Variants in UGT1A8 observed in about 807,000 individuals in gnomAD.
UGT1A8 encodes the protein UDP glucuronosyltransferase family 1 member A8, also known as UDP-glucuronosyltransferase 1A8.
In UGT1A8, 39 loss-of-function variants were observed where a neutral mutation model predicts 45.3. The ratio of observed to expected loss-of-function variants is 0.86; its 90% CI spans 0.67 to 1.12. UGT1A8 has a LOEUF of 1.12. Among genes scored for constraint, UGT1A8 ranks in the 50% most tolerant of loss-of-function variants. The probability of loss-of-function intolerance (pLI) is 0.00; values close to 1 mark genes in which losing one functional copy is unlikely to be tolerated. For synonymous variants in UGT1A8, 275 were observed against 249.2 expected (o/e 1.10, Z -0.97); for missense variants, 719 against 664.9 (o/e 1.08, Z -0.90).
At chr2:233,712,429 G>A (rs1352438227) in intron 1 of UGT1A8, among the ~76,000 whole-genome samples, 1 of 152,122 alleles carries the variant, frequency 6.6e-6, no homozygotes, top group African/African-American at 2.4e-5. Flanking sequence ...GAAATATCCT[G>A]GTGTGAAAAA....
chr2:233,629,110 A>G (rs1459176195), intron 1 of UGT1A8, among the ~76,000 whole-genome samples: 2 of 152,058 alleles, frequency 1.3e-5, no homozygotes, highest in African/African-American at 4.8e-5. Flanking sequence ...ATTAAAAAAG[A>G]ATACTCCATT....
intron 1 of UGT1A8, among the ~76,000 whole-genome samples, chr2:233,623,957 C>G (rs1471883201): frequency 6.6e-6 from 1 of 152,140 alleles, no homozygotes; most frequent in Non-Finnish European, 1.5e-5. Context: ...AATATTTTCT[C>G]ACAGTCCGTT....
intron 1 of UGT1A8, chr2:233,747,664 T>C (rs942017762): frequency 1.4e-5 from 23 of 1,600,812 alleles, no homozygotes; most frequent in South Asian, 1.4e-4. Flanking sequence ...GTGGTTTTAA[T>C]AGACCCAATT....
chr2:233,754,185 C>T (rs1296616460), intron 1 of UGT1A8: 1 of 159,682 alleles, frequency 6.3e-6, no homozygotes, highest in Non-Finnish European at 1.4e-5. Flanking sequence ...GATTTCACCA[C>T]CACACAGTAA....
intron 1 of UGT1A8, among the ~76,000 whole-genome samples, chr2:233,766,269 TCGGTGGCCC>T (rs2126023765): frequency 2.9e-5 from 2 of 67,956 alleles, no homozygotes; most frequent in East Asian, 5.0e-4. Flanking sequence ...TGGCCCGGGC[TCGGTGGCCC>T]GGGCTCGGTG....
chr2:233,663,103 C>G (rs1219018723), intron 1 of UGT1A8, among the ~76,000 whole-genome samples: 2 of 152,142 alleles, frequency 1.3e-5, no homozygotes, highest in African/African-American at 4.8e-5. Context: ...TCTTCCCAAA[C>G]TGAAGCTTGG....
chr2:233,700,047 C>T (rs1486704694), intron 1 of UGT1A8, among the ~76,000 whole-genome samples: 1 of 152,140 alleles, frequency 6.6e-6, no homozygotes, highest in East Asian at 1.9e-4. Flanking sequence ...AAATCAATTC[C>T]AAGTGAATCC....
At chr2:233,730,900 A>G (rs1224057230) in intron 1 of UGT1A8, among the ~76,000 whole-genome samples, 1 of 152,130 alleles carries the variant, frequency 6.6e-6, no homozygotes, top group Non-Finnish European at 1.5e-5. Context: ...CTACTCCTTT[A>G]CCAAAAATTT....
rs1199920513 is a variant in UGT1A8, at chr2:233,767,073, A to G, written c.895A>G (p.Ile299Val). The change falls in exon 2 of 5, where the codon ATT becomes GTT. Residue 299 changes from isoleucine (I) to valine (V), a missense_variant. Coordinates refer to ENST00000373450, the MANE Select transcript of UGT1A8 (RefSeq NM_019076.5). ...CATTAATGCTTCTGGAGAACATGGA[A>G]TTGTGGTTTTCTCTTTGGGATCAAT... is the stretch of plus-strand genomic sequence containing the variant. Reference protein sequence around the residue: ...AYINASGEHGIVVFSLGSMVS... With the variant: ...AYINASGEHGVVVFSLGSMVS... 3.1e-6 allele frequency: 5 copies of G among 1,614,112 alleles called. No homozygotes were observed. Among genetic ancestry groups the G allele is most frequent in the Non-Finnish European group, 3.4e-6 (4 of 1,179,992 alleles).
At chr2:233,636,138 A>T (rs896565162) in intron 1 of UGT1A8, among the ~76,000 whole-genome samples, 18 of 151,014 alleles carry the variant, frequency 1.2e-4, no homozygotes, top group Non-Finnish European at 2.1e-4. Context: ...GCTAAAGTCA[A>T]AATCTAAATT....
intron 1 of UGT1A8, among the ~76,000 whole-genome samples, chr2:233,620,033 T>C (rs1315229434): frequency 6.6e-6 from 1 of 152,198 alleles, no homozygotes; most frequent in Non-Finnish European, 1.5e-5. Flanking sequence ...CATCTCATTA[T>C]ATTATTTTAT....
intron 1 of UGT1A8, among the ~76,000 whole-genome samples, chr2:233,634,902 G>T (rs2073251153): frequency 6.6e-6 from 1 of 150,708 alleles, no homozygotes; most frequent in South Asian, 2.1e-4. Flanking sequence ...AGTGTCAATT[G>T]TCCTGACAAT....
chr2:233,724,277 C>T (rs1162056701), intron 1 of UGT1A8, among the ~76,000 whole-genome samples: 28 of 115,674 alleles, frequency 2.4e-4, no homozygotes, highest in Admixed American at 3.4e-4. Flanking sequence ...GGCGGCTGGC[C>T]GGGCGGGGGG....
chr2:233,743,601 C>T (rs201940151), intron 1 of UGT1A8: 28 of 1,367,176 alleles, frequency 2.0e-5, no homozygotes, highest in African/African-American at 4.5e-5. Context: ...GGGTCCTGGC[C>T]GCCGAAGAAC....
chr2:233,635,492 A>G (rs1461293937), intron 1 of UGT1A8, among the ~76,000 whole-genome samples: 1 of 150,904 alleles, frequency 6.6e-6, no homozygotes, highest in African/African-American at 2.5e-5. Context: ...AATCACTCAC[A>G]ATTGGGAGGG....
At chr2:233,663,784 GA>G (rs2074020408) in intron 1 of UGT1A8, among the ~76,000 whole-genome samples, 1 of 152,200 alleles carries the variant, frequency 6.6e-6, no homozygotes, top group South Asian at 2.1e-4. Flanking sequence ...TTAGAAGCAA[GA>G]TGGAGTCAGT....
At chr2:233,702,266 A>G (rs17862866) in intron 1 of UGT1A8, among the ~76,000 whole-genome samples, 87,251 of 152,024 alleles carry the variant, frequency 0.57, 27,041 homozygotes, top group African/African-American at 0.82. Flanking sequence ...AAATACATGA[A>G]TAGCTTTTTC....
chr2:233,632,447 T>G (rs556749786), intron 1 of UGT1A8, among the ~76,000 whole-genome samples: 40 of 152,362 alleles, frequency 2.6e-4, no homozygotes, highest in Admixed American at 2.2e-3. Context: ...TTTCACAATA[T>G]TGATTCTTCC....
At chr2:233,631,468 G>A (rs147519590) in intron 1 of UGT1A8, among the ~76,000 whole-genome samples, 2,444 of 152,172 alleles carry the variant, frequency 0.016, 58 homozygotes, top group African/African-American at 0.055. Context: ...GCATAAAAGC[G>A]TTCCTATTTC....
Sources: gnomAD v4.1 joint callset for allele counts (sites outside exome capture counted in the v4.1 genomes callset) on GRCh38, gnomAD v4.1.1 for gene constraint, MANE v1.5 for transcripts, NCBI Gene and HGNC (gene_info 2026-07-23, HGNC 2026-07-21) for gene names.